MAGI2: variants seen among roughly 807,000 people sequenced by gnomAD.
MAGI2 encodes the protein membrane associated guanylate kinase, WW and PDZ domain containing 2.
Under a neutral mutation model 133.3 loss-of-function variants are expected in MAGI2, and 35 were observed. The observed-to-expected ratio is 0.26, with a 90% CI of 0.20 to 0.35. The LOEUF is 0.35. MAGI2 is among the 10% of genes least tolerant of loss of function. The probability of loss-of-function intolerance (pLI) is 1.00; values close to 1 mark genes in which losing one functional copy is unlikely to be tolerated. For synonymous variants in MAGI2, 729 were observed against 710.6 expected (o/e 1.03, Z -0.41); for missense variants, 1,636 against 1,863.4 (o/e 0.88, Z 2.25).
chr7:79,166,995 A>G (rs1824991636), intron 1 of MAGI2, among the ~76,000 whole-genome samples: 1 of 151,540 alleles, frequency 6.6e-6, no homozygotes, highest in Non-Finnish European at 1.5e-5. Context: ...AAGGTATACT[A>G]CTCCTCAGGA....
intron 2 of MAGI2, among the ~76,000 whole-genome samples, chr7:78,852,285 T>G (rs1793209400): frequency 6.6e-6 from 1 of 152,124 alleles, no homozygotes; most frequent in East Asian, 1.9e-4. Context: ...GCAGGAGGTC[T>G]TTGTATTATT....
At chr7:79,197,552 C>T (rs1341647982) in intron 1 of MAGI2, among the ~76,000 whole-genome samples, 1 of 152,016 alleles carries the variant, frequency 6.6e-6, no homozygotes, top group Non-Finnish European at 1.5e-5. Context: ...ATATGTTGGT[C>T]TACATCTGGC....
At position 78,338,703 on chromosome 7, in the gene MAGI2, T is replaced by G. The variant is rs547039438; in HGVS notation, c.1408+5075A>C. Among the ~76,000 whole-genome samples the G allele has an allele frequency of 7.2e-5, 11 of 152,320 alleles. No homozygotes were observed. In the East Asian group the frequency reaches 2.1e-3, roughly 29 times the overall value. On this transcript the variant is annotated intron_variant, in intron 9 of 21. Transcript: ENST00000354212. Reference sequence around the variant, plus strand: ...TTTTTACATGTCATTTTAAATTATCTCACAATTACAGGTAAACATTTTATA... The same window carrying G: ...TTTTTACATGTCATTTTAAATTATCGCACAATTACAGGTAAACATTTTATA...
At chr7:79,094,073 A>G (rs1562882711) in intron 1 of MAGI2, among the ~76,000 whole-genome samples, 1 of 152,188 alleles carries the variant, frequency 6.6e-6, no homozygotes. Flanking sequence ...TTCTTTCACA[A>G]GATTTCTCTG....
intron 2 of MAGI2, among the ~76,000 whole-genome samples, chr7:78,980,111 C>G (rs1464908709): frequency 2.0e-5 from 3 of 151,616 alleles, no homozygotes; most frequent in African/African-American, 7.3e-5. Flanking sequence ...TAAATTCTGA[C>G]TCTTCTAGTT....
In MAGI2 at chr7:79,185,716, G is replaced by A. The variant is rs537919494; in HGVS notation, c.302-178510C>T. ...GTAAATATATGCAAAGAACAACATC[G>A]TGTTGAAACATGCTCAAGGACAGGC... On this transcript the variant is annotated intron_variant, in intron 1 of 21. Transcript: ENST00000354212. Among the ~76,000 whole-genome samples the A allele has an allele frequency of 3.0e-4, 46 of 151,782 alleles. 2 individuals carry two copies. Among genetic ancestry groups the A allele is most frequent in the African/African-American group, 1.1e-3 (44 of 41,342 alleles).
intron 2 of MAGI2, 101 bp from the exon 3 acceptor site, chr7:78,627,340 G>A: frequency 8.9e-7 from 1 of 1,126,570 alleles, no homozygotes; most frequent in East Asian, 3.0e-5. Context: ...CCACTTGTTT[G>A]TACATCCTGC....
intron 2 of MAGI2, among the ~76,000 whole-genome samples, chr7:78,785,242 T>C (rs1193907096): frequency 1.3e-5 from 2 of 152,190 alleles, no homozygotes; most frequent in Non-Finnish European, 2.9e-5. Context: ...CAAGGAATGC[T>C]TTTAATTTTG....
At chr7:79,368,969 C>G (rs1382886822) in intron 1 of MAGI2, among the ~76,000 whole-genome samples, 1 of 151,192 alleles carries the variant, frequency 6.6e-6, no homozygotes, top group African/African-American at 2.4e-5. Flanking sequence ...TGGTCTACTT[C>G]TGAAGGCTAA....
intron 6 of MAGI2, among the ~76,000 whole-genome samples, chr7:78,444,396 T>C (rs1787924236): frequency 6.6e-6 from 1 of 152,058 alleles, no homozygotes; most frequent in African/African-American, 2.4e-5. Context: ...TAATGGGCTT[T>C]AGGTCGAGTT....
intron 20 of MAGI2, among the ~76,000 whole-genome samples, chr7:78,116,959 G>A (rs2868893): frequency 0.84 from 126,811 of 151,504 alleles, 53,434 homozygotes; most frequent in Non-Finnish European, 0.88. Context: ...AGGAAGAAAA[G>A]CAGTTTATCA....
At chr7:78,942,466 A>G (rs1416066987) in intron 2 of MAGI2, among the ~76,000 whole-genome samples, 1 of 152,152 alleles carries the variant, frequency 6.6e-6, no homozygotes, top group African/African-American at 2.4e-5. Flanking sequence ...TTAGATATAA[A>G]TGGAATATAT....
At chr7:78,649,236 G>GAAAAAAAAGA (rs1811261750) in intron 2 of MAGI2, among the ~76,000 whole-genome samples, 1 of 88,188 alleles carries the variant, frequency 1.1e-5, no homozygotes, top group Non-Finnish European at 2.1e-5. Context: ...AAAAAAAAAA[G>GAAAAAAAAGA]AAAAAAAAAG....
intron 2 of MAGI2, among the ~76,000 whole-genome samples, chr7:79,001,452 A>T (rs1806849256): frequency 6.6e-6 from 1 of 152,220 alleles, no homozygotes; most frequent in African/African-American, 2.4e-5. Flanking sequence ...ATTCTTTGGT[A>T]TAATGGAAAA....
intron 10 of MAGI2, chr7:78,251,680 T>C (rs1403183776): frequency 6.6e-6 from 1 of 152,186 alleles, no homozygotes; most frequent in Non-Finnish European, 1.5e-5. Context: ...ATCTGTACAT[T>C]GAAAACTACA....
chr7:78,914,610 A>C (rs1348412389), intron 2 of MAGI2, among the ~76,000 whole-genome samples: 2 of 152,124 alleles, frequency 1.3e-5, no homozygotes, highest in Admixed American at 6.6e-5. Flanking sequence ...AATTAAAGGC[A>C]TTGGAATTGA....
At chr7:78,430,867 A>G (rs1799727579) in intron 6 of MAGI2, among the ~76,000 whole-genome samples, 1 of 152,106 alleles carries the variant, frequency 6.6e-6, no homozygotes, top group Non-Finnish European at 1.5e-5. Flanking sequence ...TCCCTAGTTG[A>G]CTCAATTCTC....
At chr7:78,035,370 G>A (rs1328137670) in intron 21 of MAGI2, among the ~76,000 whole-genome samples, 1 of 136,248 alleles carries the variant, frequency 7.3e-6, no homozygotes, top group Non-Finnish European at 1.6e-5. Flanking sequence ...GTGAGTGAAC[G>A]AGGGGTCCCA....
At chr7:78,594,416 T>C (rs1363335869) in intron 3 of MAGI2, among the ~76,000 whole-genome samples, 1 of 152,178 alleles carries the variant, frequency 6.6e-6, no homozygotes, top group South Asian at 2.1e-4. Context: ...TCCAGGCTTT[T>C]TCCGGGCCTT....
Sources: gnomAD v4.1 joint callset for allele counts (sites outside exome capture counted in the v4.1 genomes callset) on GRCh38, gnomAD v4.1.1 for gene constraint, MANE v1.5 for transcripts, NCBI Gene and HGNC (gene_info 2026-07-23, HGNC 2026-07-21) for gene names.